Variants in LRP1B observed in about 807,000 individuals in gnomAD.
The protein encoded by LRP1B is LDL receptor related protein 1B.
A neutral mutation model predicts 556.6 loss-of-function variants in LRP1B; 217 were observed. The observed-to-expected ratio is 0.39, with a 90% CI of 0.35 to 0.44. The LOEUF is 0.44. LRP1B is among the 20% of genes least tolerant of loss of function. The pLI is 1.00. For synonymous variants in LRP1B, 2,047 were observed against 1,865.8 expected (o/e 1.10, Z -2.50); for missense variants, 5,053 against 5,620.8 (o/e 0.90, Z 3.23).
intron 49 of LRP1B, 121 bp from the exon 50 acceptor site, chr2:140,517,132 A>G: frequency 1.4e-6 from 1 of 696,442 alleles, no homozygotes; most frequent in East Asian, 2.6e-5. Flanking sequence ...AAAATAGCTA[A>G]GATTTTCTCC....
chr2:140,779,196 T>G (rs1689602273), intron 32 of LRP1B, among the ~76,000 whole-genome samples: 1 of 152,000 alleles, frequency 6.6e-6, no homozygotes, highest in African/African-American at 2.4e-5. Flanking sequence ...TTCAGAACAC[T>G]GTGCTTAAAA....
chr2:141,902,940 T>C (rs1363276754), intron 1 of LRP1B, among the ~76,000 whole-genome samples: 2 of 151,974 alleles, frequency 1.3e-5, no homozygotes, highest in African/African-American at 2.4e-5. Flanking sequence ...AAATAAAAAG[T>C]AGGCTAACTT....
intron 7 of LRP1B, among the ~76,000 whole-genome samples, chr2:141,159,401 G>A (rs1351507108): frequency 6.6e-6 from 1 of 151,790 alleles, no homozygotes; most frequent in African/African-American, 2.4e-5. Flanking sequence ...TTGTTTTTTT[G>A]TTTGTTTGTT....
At chr2:140,717,681 G>A (rs1352066169) in intron 35 of LRP1B, among the ~76,000 whole-genome samples, 2 of 152,188 alleles carry the variant, frequency 1.3e-5, no homozygotes, top group Non-Finnish European at 2.9e-5. Context: ...ACGTTTTTGT[G>A]TTGCGACCTA....
chr2:140,256,076 T>C (rs1188339394), intron 86 of LRP1B, among the ~76,000 whole-genome samples: 1 of 152,156 alleles, frequency 6.6e-6, no homozygotes, highest in African/African-American at 2.4e-5. Flanking sequence ...TGAAAAACAA[T>C]TTTATGTAAA....
At chr2:141,400,247 G>A (rs1239736013) in intron 3 of LRP1B, among the ~76,000 whole-genome samples, 1 of 152,132 alleles carries the variant, frequency 6.6e-6, no homozygotes, top group Non-Finnish European at 1.5e-5. Flanking sequence ...CCAAAGTGCT[G>A]GCGTTACAGG....
chr2:140,410,429 G>A (rs918439433), intron 66 of LRP1B, among the ~76,000 whole-genome samples: 6 of 151,502 alleles, frequency 4.0e-5, no homozygotes, highest in Non-Finnish European at 7.4e-5. Flanking sequence ...AACCTTAATA[G>A]TGCACTTCTC....
intron 3 of LRP1B, among the ~76,000 whole-genome samples, chr2:141,428,865 A>T (rs1367372097): frequency 6.6e-6 from 1 of 152,202 alleles, no homozygotes; most frequent in Non-Finnish European, 1.5e-5. Context: ...CTACCCTCTT[A>T]TAGAACTCAT....
At chr2:140,502,242 T>C (rs959064399) in intron 54 of LRP1B, among the ~76,000 whole-genome samples, 1 of 152,030 alleles carries the variant, frequency 6.6e-6, no homozygotes, top group Non-Finnish European at 1.5e-5. Context: ...AAATTATATG[T>C]CACTAAAAAC....
chr2:142,099,538 G>T (rs1384220808), intron 1 of LRP1B, among the ~76,000 whole-genome samples: 1 of 151,818 alleles, frequency 6.6e-6, no homozygotes, highest in Admixed American at 6.6e-5. Context: ...TCCTTCAGAA[G>T]CTTATTTATC....
chr2:140,431,380 C>A (rs1158296689), intron 66 of LRP1B, among the ~76,000 whole-genome samples: 1 of 152,152 alleles, frequency 6.6e-6, no homozygotes, highest in Non-Finnish European at 1.5e-5. Context: ...GCCCCAGTCT[C>A]ATTCCAGGCA....
intron 21 of LRP1B, among the ~76,000 whole-genome samples, chr2:140,910,349 A>G (rs1013940603): frequency 3.3e-5 from 5 of 151,966 alleles, no homozygotes; most frequent in Middle Eastern, 3.4e-3. Flanking sequence ...GCCAATCTGG[A>G]GGATAAACAA....
chr2:140,753,473 T>C (rs1228273083), intron 35 of LRP1B, among the ~76,000 whole-genome samples: 1 of 152,178 alleles, frequency 6.6e-6, no homozygotes, highest in Non-Finnish European at 1.5e-5. Flanking sequence ...ATTTATAGCA[T>C]AATAGGAAAT....
chr2:140,908,511 G>C (rs544223635), intron 21 of LRP1B, among the ~76,000 whole-genome samples: 1 of 151,464 alleles, frequency 6.6e-6, no homozygotes, highest in Non-Finnish European at 1.5e-5. Context: ...AATGCTATCG[G>C]TGCCTGTCAG....
chr2:141,395,952 C>G (rs1690225074), intron 3 of LRP1B, among the ~76,000 whole-genome samples: 2 of 152,082 alleles, frequency 1.3e-5, no homozygotes, highest in Non-Finnish European at 2.9e-5. Context: ...CTGTTGCATA[C>G]ATCAACATTT....
At chr2:142,068,766 T>C (rs933823969) in intron 1 of LRP1B, among the ~76,000 whole-genome samples, 2 of 151,544 alleles carry the variant, frequency 1.3e-5, no homozygotes, top group African/African-American at 4.8e-5. Flanking sequence ...ATAAAATACA[T>C]TGAATGATTT....
At chr2:140,988,786 T>C (rs965981458) in intron 17 of LRP1B, among the ~76,000 whole-genome samples, 1 of 152,284 alleles carries the variant, frequency 6.6e-6, no homozygotes, top group African/African-American at 2.4e-5. Flanking sequence ...TGTTGCTCTA[T>C]ATAATGGTTT....
At chr2:140,517,890 T>A (rs990411672) in intron 49 of LRP1B, among the ~76,000 whole-genome samples, 3 of 151,940 alleles carry the variant, frequency 2.0e-5, no homozygotes, top group African/African-American at 7.3e-5. Context: ...TTTGTATTTT[T>A]AATAGAGATG....
At chr2:141,105,652 T>C (rs1053264071) in intron 7 of LRP1B, among the ~76,000 whole-genome samples, 2 of 129,800 alleles carry the variant, frequency 1.5e-5, no homozygotes, top group African/African-American at 5.0e-5. Context: ...GTCAAACTCT[T>C]TGGAAAAGTC....
Sources: allele counts gnomAD v4.1 joint callset (sites outside exome capture counted in the v4.1 genomes callset), GRCh38; gene constraint gnomAD v4.1.1; transcripts MANE v1.5; gene names NCBI Gene and HGNC (gene_info 2026-07-23, HGNC 2026-07-21).